NPAS2: variants seen among roughly 807,000 people sequenced by gnomAD.
NPAS2 encodes the protein neuronal PAS domain protein 2, also known as neuronal PAS domain-containing protein 2.
In NPAS2, 23 loss-of-function variants were observed where a neutral mutation model predicts 107.5. The ratio of observed to expected loss-of-function variants is 0.21; its 90% CI spans 0.15 to 0.30. The LOEUF (loss-of-function observed/expected upper bound fraction) is 0.30. Ranked by LOEUF, NPAS2 falls within the 10% of genes least tolerant of loss-of-function variation. The pLI is 1.00. For missense variants in NPAS2, 756 were observed against 1,043.3 expected, an observed-to-expected ratio of 0.72 and a Z score of 3.79; for synonymous variants, 403 against 417.5, an observed-to-expected ratio of 0.97 and a Z score of 0.42.
rs1001061851 is a variant in NPAS2, at chr2:100,982,482, C to G, written c.1629+105C>G. On this transcript the variant is annotated intron_variant, in intron 16 of 20. Coordinates refer to ENST00000335681, the MANE Select transcript of NPAS2 (RefSeq NM_002518.4). ...CTTCCTCCCAAGCCCTGTGAACTGC[C>G]CTGCCAAGCCCCATTTGCTTATGAA... 7.0e-6 allele frequency: 9 copies of G among 1,291,060 alleles called. No individual in the cohort carries two copies. In the African/African-American group the frequency reaches 1.0e-4, roughly 15 times the overall value. 80.0% of individuals were successfully genotyped at this position (1,291,060 alleles called of 1,614,324 possible). A position where few individuals can be genotyped will look rare whatever the true frequency, so the allele number is the denominator to read the frequency against.
intron 4 of NPAS2, among the ~76,000 whole-genome samples, chr2:100,936,628 C>G (rs1230560972): frequency 6.6e-6 from 1 of 152,138 alleles, no homozygotes; most frequent in Non-Finnish European, 1.5e-5. Context: ...CTATCAGATA[C>G]ATATTGTGAA....
intron 1 of NPAS2, among the ~76,000 whole-genome samples, chr2:100,825,278 G>A (rs984460521): frequency 1.3e-5 from 2 of 152,108 alleles, no homozygotes; most frequent in African/African-American, 4.8e-5. Flanking sequence ...AGAGCTCGAG[G>A]TCATCTGAAA....
chr2:100,963,538 A>T lies in NPAS2; in HGVS notation c.599-520A>T, dbSNP rs1438874483. Reference sequence around the variant, plus strand: ...CTCAGCCTCCCAAGCAGTTGGGATTACAGGCACACACCACCATGCCCAGCT... The same window carrying T: ...CTCAGCCTCCCAAGCAGTTGGGATTTCAGGCACACACCACCATGCCCAGCT... On this transcript the variant is annotated intron_variant, in intron 7 of 20. Transcript: ENST00000335681. 2.0e-5 allele frequency among the ~76,000 whole-genome samples: 3 copies of T among 152,058 alleles called. 1 individual carries two copies.
chr2:100,994,995 GAA>G (rs1678362040), intron 20 of NPAS2: 1 of 179,268 alleles, frequency 5.6e-6, no homozygotes, highest in Non-Finnish European at 1.2e-5. Context: ...GACCAGCAGT[GAA>G]AAGTGTACAA....
At chr2:100,821,857 A>C (rs1676093815) in intron 1 of NPAS2, among the ~76,000 whole-genome samples, 1 of 152,234 alleles carries the variant, frequency 6.6e-6, no homozygotes, top group Non-Finnish European at 1.5e-5. Context: ...GACCTGCGCC[A>C]CTATTTTATA....
intron 2 of NPAS2, among the ~76,000 whole-genome samples, chr2:100,912,253 T>A (rs1573605195): frequency 1.5e-5 from 1 of 67,220 alleles, no homozygotes; most frequent in Non-Finnish European, 2.8e-5. Context: ...TATTTATTTA[T>A]TTATTATTAT....
At chr2:100,959,575 A>G (rs1351579677) in intron 7 of NPAS2, among the ~76,000 whole-genome samples, 1 of 152,242 alleles carries the variant, frequency 6.6e-6, no homozygotes, top group African/African-American at 2.4e-5. Context: ...ATGAATGTGC[A>G]GAAAGTTATT....
At chr2:100,921,491 A>G (rs1025719383) in intron 2 of NPAS2, among the ~76,000 whole-genome samples, 61 of 151,710 alleles carry the variant, frequency 4.0e-4, no homozygotes, top group African/African-American at 1.5e-3. Flanking sequence ...ATCAATATCC[A>G]TGTATATTTA....
At chr2:100,876,665 A>C (rs1679988749) in intron 1 of NPAS2, among the ~76,000 whole-genome samples, 1 of 152,154 alleles carries the variant, frequency 6.6e-6, no homozygotes, top group African/African-American at 2.4e-5. Flanking sequence ...GGAGTCTTTC[A>C]GATCCCTTCT....
chr2:100,984,433 T>C, intron 16 of NPAS2: 1 of 152,224 alleles, frequency 6.6e-6, no homozygotes, highest in East Asian at 1.9e-4. Flanking sequence ...TGTTGAAGCC[T>C]AATGGTGATG....
chr2:100,830,608 G>A (rs546665580), intron 1 of NPAS2, among the ~76,000 whole-genome samples: 65 of 152,208 alleles, frequency 4.3e-4, no homozygotes, highest in Admixed American at 1.3e-3. Flanking sequence ...TGCTCAGAAT[G>A]ATGGTTTCTA....
chr2:100,840,732 A>C (rs1677347319), intron 1 of NPAS2, among the ~76,000 whole-genome samples: 1 of 152,138 alleles, frequency 6.6e-6, no homozygotes. Context: ...TCAGTTTCAC[A>C]GTGGTGGGGC....
chr2:100,970,682 GT>G (rs1292327919), intron 11 of NPAS2: 1 of 265,194 alleles, frequency 3.8e-6, no homozygotes, highest in African/African-American at 2.2e-5. Flanking sequence ...ACGAAAATGT[GT>G]TTTTTAAAGA....
intron 1 of NPAS2, among the ~76,000 whole-genome samples, chr2:100,851,010 T>C (rs1678142379): frequency 7.8e-6 from 1 of 127,892 alleles, no homozygotes; most frequent in African/African-American, 3.1e-5. Flanking sequence ...TGCTACCACA[T>C]GGATGAATAT....
intron 7 of NPAS2, among the ~76,000 whole-genome samples, chr2:100,954,005 A>C (rs1675399878): frequency 6.6e-6 from 1 of 152,220 alleles, no homozygotes; most frequent in African/African-American, 2.4e-5. Flanking sequence ...CACATGGCCC[A>C]CCATGCAGGG....
intron 3 of NPAS2, among the ~76,000 whole-genome samples, chr2:100,929,519 C>T (rs966568136): frequency 6.6e-6 from 1 of 152,236 alleles, no homozygotes; most frequent in Admixed American, 6.5e-5. Context: ...TAACCCCCCA[C>T]AGACCAATAT....
At chr2:100,982,472 T>C in intron 16 of NPAS2, 95 bp downstream of exon 16, 1 of 1,418,122 alleles carries the variant, frequency 7.1e-7, no homozygotes, top group Non-Finnish European at 9.6e-7. Context: ...TCCCAAGCCC[T>C]GTGAACTGCC....
intron 3 of NPAS2, among the ~76,000 whole-genome samples, chr2:100,926,941 C>CTTTTT (rs71378131): frequency 2.4e-5 from 3 of 126,866 alleles, no homozygotes; most frequent in Non-Finnish European, 4.9e-5. Flanking sequence ...TTTTTTCTTT[C>CTTTTT]TTTTTTTTTT....
In NPAS2 at chr2:100,849,452, C is replaced by T. The variant is rs542808181; in HGVS notation, c.-23+29038C>T. Among the ~76,000 whole-genome samples the T allele has an allele frequency of 3.9e-5, 6 of 152,180 alleles. No individual in the cohort carries two copies. In the South Asian group the frequency reaches 8.3e-4, roughly 21 times the overall value. ...CTGCCACCATTAGCTGCAGTGTTTG[C>T]GCAGTTGGTTTCACCTCCCAGGTCT... On this transcript the variant is annotated intron_variant, in intron 1 of 20. Transcript: ENST00000335681.
Sources: allele counts gnomAD v4.1 joint callset (sites outside exome capture counted in the v4.1 genomes callset), GRCh38; gene constraint gnomAD v4.1.1; transcripts MANE v1.5; gene names NCBI Gene and HGNC (gene_info 2026-07-23, HGNC 2026-07-21).